The following ARHGAP44 variants were observed in gnomAD, a reference collection of about 807,000 sequenced individuals.
ARHGAP44 encodes Rho GTPase activating protein 44, also known as rho GTPase-activating protein 44.
In ARHGAP44, 43 loss-of-function variants were observed where a neutral mutation model predicts 106.8. That is an observed-to-expected ratio of 0.40 (90% CI 0.32 to 0.52). ARHGAP44 has a LOEUF of 0.52. Among genes scored for constraint, ARHGAP44 ranks in the 20% least tolerant of loss-of-function variants. The pLI, the probability that ARHGAP44 is intolerant of heterozygous loss-of-function variation, is 0.48. For synonymous variants in ARHGAP44, 439 were observed against 410.3 expected (o/e 1.07, Z -0.85); for missense variants, 866 against 1,050.5 (o/e 0.82, Z 2.43).
chr17:12,880,259 C>G (rs2036685688), intron 1 of ARHGAP44, among the ~76,000 whole-genome samples: 1 of 152,048 alleles, frequency 6.6e-6, no homozygotes, highest in African/African-American at 2.4e-5. Flanking sequence ...AAGAAGAAAG[C>G]TATGAACCTA....
intron 6 of ARHGAP44, among the ~76,000 whole-genome samples, chr17:12,927,732 C>T (rs879039533): frequency 6.6e-6 from 1 of 152,158 alleles, no homozygotes; most frequent in Admixed American, 6.5e-5. Context: ...CAGGATCCCT[C>T]CTACCAAGTT....
At chr17:12,942,028 G>T (rs764833750) in intron 8 of ARHGAP44, among the ~76,000 whole-genome samples, 2 of 152,216 alleles carry the variant, frequency 1.3e-5, no homozygotes, top group Non-Finnish European at 2.9e-5. Flanking sequence ...TCAAACAACT[G>T]TGGGCTGTTA....
intron 1 of ARHGAP44, among the ~76,000 whole-genome samples, chr17:12,796,446 T>A (rs576488117): frequency 6.6e-6 from 1 of 152,306 alleles, no homozygotes; most frequent in South Asian, 2.1e-4. Flanking sequence ...GTGTATATTA[T>A]ACACACATAC....
chr17:12,816,608 T>C (rs2034604485), intron 1 of ARHGAP44, among the ~76,000 whole-genome samples: 1 of 152,158 alleles, frequency 6.6e-6, no homozygotes, highest in Non-Finnish European at 1.5e-5. Context: ...AAAGGTGGGG[T>C]GTATTTATTA....
intron 1 of ARHGAP44, among the ~76,000 whole-genome samples, chr17:12,801,195 G>T (rs1307828642): frequency 6.6e-6 from 1 of 152,248 alleles, no homozygotes; most frequent in African/African-American, 2.4e-5. Context: ...GTCTGAGAAA[G>T]GAATATGAAA....
At chr17:12,894,895 T>C in intron 1 of ARHGAP44, 45 bp from the exon 2 acceptor site, 4 of 1,539,180 alleles carry the variant, frequency 2.6e-6, no homozygotes, top group Non-Finnish European at 3.5e-6. Context: ...TATGAGGCTC[T>C]GTTGTTAGTT....
intron 20 of ARHGAP44, chr17:12,987,475 T>TA (rs1342147892): frequency 8.0e-6 from 2 of 250,860 alleles, no homozygotes; most frequent in Non-Finnish European, 1.5e-5. Context: ...ACCGTGGAGC[T>TA]GTAACAGATC....
At position 12,789,566 on chromosome 17, in the gene ARHGAP44, C is replaced by T. The variant is rs1342653736; in HGVS notation, c.-273C>T. On this transcript the variant is annotated 5_prime_UTR_variant, in exon 1 of 21. Coordinates refer to ENST00000379672, the MANE Select transcript of ARHGAP44 (RefSeq NM_014859.6). ...CTGGGAGCAGGCAGCCCGGGCGGAGCGGGCCGGTGCCGAGGACGGCCCCAG... is the reference window on the plus strand; with the variant it reads ...CTGGGAGCAGGCAGCCCGGGCGGAGTGGGCCGGTGCCGAGGACGGCCCCAG... 8.4e-6 allele frequency: 2 copies of T among 236,888 alleles called. No individual in the cohort carries two copies. The highest frequency in any genetic ancestry group is 1.6e-5 in the Non-Finnish European group (2 of 123,136). 14.7% of individuals were successfully genotyped at this position (236,888 alleles called of 1,614,324 possible).
At chr17:12,814,876 C>G (rs535421385) in intron 1 of ARHGAP44, among the ~76,000 whole-genome samples, 97 of 152,064 alleles carry the variant, frequency 6.4e-4, no homozygotes, top group Middle Eastern at 6.8e-3. Flanking sequence ...AAGCAAAAAC[C>G]CTCCTTTACT....
chr17:12,982,020 A>AG (rs1394534444), intron 19 of ARHGAP44, among the ~76,000 whole-genome samples: 2 of 152,046 alleles, frequency 1.3e-5, no homozygotes, highest in Non-Finnish European at 2.9e-5. Context: ...CCAAAAAAAA[A>AG]GAGTCCTTTA....
intron 1 of ARHGAP44, among the ~76,000 whole-genome samples, chr17:12,877,643 G>A (rs912267614): frequency 2.6e-5 from 4 of 152,006 alleles, no homozygotes; most frequent in South Asian, 4.2e-4. Flanking sequence ...CCAGCTACTC[G>A]GGAGGCTGAG....
At chr17:12,896,577 T>G in intron 3 of ARHGAP44, 66 bp downstream of exon 3, 1 of 1,362,386 alleles carries the variant, frequency 7.3e-7, no homozygotes, top group Non-Finnish European at 1.0e-6. Flanking sequence ...CCTACTCCTG[T>G]GACACTCCTG....
chr17:12,884,572 T>C (rs563865543), intron 1 of ARHGAP44, among the ~76,000 whole-genome samples: 4 of 152,226 alleles, frequency 2.6e-5, no homozygotes, highest in Non-Finnish European at 5.9e-5. Context: ...AATTTACTTT[T>C]TTGTAGACTC....
At chr17:12,889,982 C>G (rs1161979086) in intron 1 of ARHGAP44, among the ~76,000 whole-genome samples, 1 of 152,204 alleles carries the variant, frequency 6.6e-6, no homozygotes, top group Admixed American at 6.5e-5. Context: ...TTTGAGCATA[C>G]TGGGGTGGAG....
At chr17:12,814,068 G>A (rs2034518723) in intron 1 of ARHGAP44, among the ~76,000 whole-genome samples, 2 of 151,786 alleles carry the variant, frequency 1.3e-5, no homozygotes, top group Admixed American at 1.3e-4. Flanking sequence ...TGTCTACAGC[G>A]GTGTTTATCA....
rs2040104418 is a variant in ARHGAP44 at position 12,990,508 on chromosome 17, G to A, written c.*337G>A. ...TCAGGAACGTCCTTTGCAGGGTCGG[G>A]GTGGTGCGGGAGAGGCTCACTTTGC... On this transcript the variant is annotated 3_prime_UTR_variant, in exon 21 of 21. Coordinates refer to ENST00000379672, the MANE Select transcript of ARHGAP44 (RefSeq NM_014859.6). The A allele has an allele frequency of 4.1e-6, 1 of 244,516 alleles. No individual in the cohort carries two copies. Among genetic ancestry groups the A allele is most frequent in the Non-Finnish European group, 8.4e-6 (1 of 118,348 alleles). The allele number at this position is 244,516 out of a possible 1,614,324, so 15.1% of individuals were successfully genotyped here.
In ARHGAP44 at chr17:12,861,413, G is replaced by A. The variant is rs551090326; in HGVS notation, c.54-33527G>A. ...AGAAGTCTGGCACAGGTCTTAACTG[G>A]GCTAAAATCAAGATGGCAGCAGGAT... On this transcript the variant is annotated intron_variant, in intron 1 of 20. Coordinates refer to ENST00000379672, the MANE Select transcript of ARHGAP44 (RefSeq NM_014859.6). Among the ~76,000 whole-genome samples, 3 of 152,154 alleles carry A rather than the reference G, an allele frequency of 2.0e-5. No homozygotes were observed. The South Asian group carries it at 6.2e-4, about 32-fold the overall frequency.
intron 6 of ARHGAP44, 109 bp from the exon 7 acceptor site, chr17:12,928,820 G>A: frequency 1.1e-6 from 1 of 921,930 alleles, no homozygotes; most frequent in Non-Finnish European, 1.6e-6. Context: ...TCCAGTGAGG[G>A]TATGTAGTTC....
intron 1 of ARHGAP44, among the ~76,000 whole-genome samples, chr17:12,880,902 A>T (rs910470660): frequency 2.0e-5 from 3 of 152,156 alleles, no homozygotes; most frequent in Non-Finnish European, 4.4e-5. Flanking sequence ...ACCAATTGGA[A>T]TTGTCAGACT....
Sources: gnomAD v4.1 joint callset for allele counts (sites outside exome capture counted in the v4.1 genomes callset) on GRCh38, gnomAD v4.1.1 for gene constraint, MANE v1.5 for transcripts, NCBI Gene and HGNC (gene_info 2026-07-23, HGNC 2026-07-21) for gene names.